SMYD4: variants seen among roughly 807,000 people sequenced by gnomAD.
SMYD4 encodes the protein protein-lysine N-methyltransferase SMYD4.
In SMYD4, 68 loss-of-function variants were observed where a neutral mutation model predicts 72.8. That is an observed-to-expected ratio of 0.93 (90% CI 0.77 to 1.14). SMYD4 has a LOEUF of 1.14. Among genes scored for constraint, SMYD4 ranks in the 50% most tolerant of loss-of-function variants. The pLI is 0.00. For synonymous variants in SMYD4, 407 were observed against 388.6 expected, an observed-to-expected ratio of 1.05 and a Z score of -0.56; for missense variants, 984 against 1,003.7, an observed-to-expected ratio of 0.98 and a Z score of 0.27.
rs3809875 is a variant in SMYD4, at chr17:1,800,249, G to A, written c.1145C>T (p.Pro382Leu). ...TGTCTTGACCTGATTGTTGCTTTCA[G>A]GTAAACAGATGTCCTTGTTACTAAT... Reference protein sequence around the residue: ...DKISNKDICLPESNNQVKTLN... With the variant: ...DKISNKDICLLESNNQVKTLN... Residue 382 changes from proline (P) to leucine (L), a missense_variant, in exon 5 of 11, where the codon CCT (proline) becomes CTT (leucine). Physicochemically the swap from Pro to Leu is moderately conservative, Grantham distance 98. Transcript: ENST00000305513. 1 of 1,613,838 alleles carries A rather than the reference G, an allele frequency of 6.2e-7. No individual in the cohort carries two copies. Among genetic ancestry groups the A allele is most frequent in the Non-Finnish European group, 8.5e-7 (1 of 1,180,002 alleles).
At chr17:1,803,603 G>C (rs767405569) in intron 4 of SMYD4, among the ~76,000 whole-genome samples, 5 of 151,996 alleles carry the variant, frequency 3.3e-5, no homozygotes, top group Non-Finnish European at 5.9e-5. Flanking sequence ...AGGTTCAAGA[G>C]ATTCTCCTGC....
At chr17:1,788,548 A>G (rs553649435) in intron 5 of SMYD4, among the ~76,000 whole-genome samples, 8 of 151,816 alleles carry the variant, frequency 5.3e-5, no homozygotes, top group East Asian at 3.9e-4. Flanking sequence ...GATCGAGACC[A>G]TCCTGACTAA....
In SMYD4 at chr17:1,795,430, T is replaced by C. The variant is rs866696585; in HGVS notation, c.1537+4427A>G. Among the ~76,000 whole-genome samples, 8 of 54,156 alleles carry C rather than the reference T, an allele frequency of 1.5e-4. No individual in the cohort carries two copies. In the South Asian group the frequency reaches 3.4e-3, roughly 23 times the overall value. 35.5% of individuals were successfully genotyped at this position (54,156 alleles called of 152,430 possible). A position where few individuals can be genotyped will look rare whatever the true frequency, so the allele number is the denominator to read the frequency against. On this transcript the variant is annotated intron_variant, in intron 5 of 10. Transcript: ENST00000305513. Reference sequence around the variant, plus strand: ...CTCTATCTATCTATCTATCTATCTATCTATCTATCTATCTAATCATCTATC... The same window carrying C: ...CTCTATCTATCTATCTATCTATCTACCTATCTATCTATCTAATCATCTATC...
rs746383166 is a variant in SMYD4, at chr17:1,800,358, C to T, written c.1036G>A (p.Val346Ile). The T allele has an allele frequency of 6.2e-7, 1 of 1,614,194 alleles. No homozygotes were observed. The highest frequency in any genetic ancestry group is 8.5e-7 in the Non-Finnish European group (1 of 1,180,028). The stretch of plus-strand genomic sequence containing the variant: ...AACCTCAGGGCAATGTGGCAAAAGA[C>T]ACCCAGTGTGAGAAGCAGCCCTCCC... Reference protein sequence around the residue: ...PLGGLLLTLGVFCHIALRLTL... With the variant: ...PLGGLLLTLGIFCHIALRLTL... The change falls in exon 5 of 11, where the codon GTC becomes ATC. Residue 346 changes from valine (V) to isoleucine (I), a missense_variant. Val to Ile is a conservative substitution (Grantham distance 29). Coordinates refer to ENST00000305513, the MANE Select transcript of SMYD4 (RefSeq NM_052928.3).
intron 3 of SMYD4, among the ~76,000 whole-genome samples, chr17:1,805,549 T>C (rs1567779360): frequency 6.6e-6 from 1 of 151,340 alleles, no homozygotes; most frequent in African/African-American, 2.4e-5. Flanking sequence ...TGGTGGCTCA[T>C]GCCTGTAATC....
chr17:1,793,830 T>G (rs1328471413), intron 5 of SMYD4, among the ~76,000 whole-genome samples: 4 of 135,006 alleles, frequency 3.0e-5, no homozygotes, highest in Admixed American at 2.2e-4. Flanking sequence ...CAGTGCAGTG[T>G]TTTTTTTTTG....
intron 5 of SMYD4, among the ~76,000 whole-genome samples, chr17:1,790,286 G>C (rs1325857971): frequency 6.6e-6 from 1 of 151,944 alleles, no homozygotes; most frequent in Non-Finnish European, 1.5e-5. Flanking sequence ...GAACCGTGTG[G>C]GTATTTATGT....
intron 2 of SMYD4, among the ~76,000 whole-genome samples, chr17:1,818,061 A>T (rs974709456): frequency 6.6e-6 from 1 of 151,794 alleles, no homozygotes; most frequent in African/African-American, 2.4e-5. Context: ...AAAAAAAAAA[A>T]AAAAGTTGTT....
At chr17:1,824,299 C>A (rs761601931) in intron 2 of SMYD4, among the ~76,000 whole-genome samples, 1 of 152,118 alleles carries the variant, frequency 6.6e-6, no homozygotes, top group Non-Finnish European at 1.5e-5. Context: ...GCTGAGATTG[C>A]GCCACTGCAC....
intron 5 of SMYD4, among the ~76,000 whole-genome samples, chr17:1,796,299 G>GGTT (rs71375546): frequency 1.8e-5 from 2 of 109,576 alleles, no homozygotes; most frequent in East Asian, 2.6e-4. Context: ...ATGCCTGGCT[G>GGTT]TTTTTTTTTT....
rs1263994025 is a variant in SMYD4 at position 1,812,002 on chromosome 17, TC to T, written c.247del (p.Asp83IlefsTer97). 1 of 1,614,036 alleles carries T rather than the reference TC, an allele frequency of 6.2e-7. No homozygotes were observed. Among genetic ancestry groups the T allele is most frequent in the Non-Finnish European group, 8.5e-7 (1 of 1,180,034 alleles). ...GTACAGCACTGCAGCTCCTGTGTAA[TC>T]TTTCTCCTGAAATTTTTTGTTTCCT... is the stretch of plus-strand genomic sequence containing the variant. ...EEGNKKFQEK[D>X]YTGAAVLYSK... On this transcript the variant is annotated frameshift_variant, in exon 3 of 11. Coordinates refer to ENST00000305513, the MANE Select transcript of SMYD4 (RefSeq NM_052928.3). LOFTEE classifies it high-confidence loss of function.
chr17:1,812,944 A>ATT (rs1555579762), intron 2 of SMYD4, among the ~76,000 whole-genome samples: 1 of 148,056 alleles, frequency 6.8e-6, no homozygotes, highest in African/African-American at 2.5e-5. Context: ...ATCATAAAAG[A>ATT]TTTTTTTTTT....
chr17:1,790,946 G>A (rs759888755), intron 5 of SMYD4, among the ~76,000 whole-genome samples: 79 of 151,026 alleles, frequency 5.2e-4, no homozygotes, highest in African/African-American at 1.2e-3. Flanking sequence ...CTAACACGGC[G>A]AAACCCCGTC....
In SMYD4 at chr17:1,828,308, G is replaced by A. The variant is rs578226944; in HGVS notation, c.-12-302C>T. Among the ~76,000 whole-genome samples the A allele has an allele frequency of 4.9e-3, 740 of 149,746 alleles. 3 individuals are homozygous for A. Among genetic ancestry groups the A allele is most frequent in the South Asian group, 0.037 (175 of 4,704 alleles). ...GGAGGTTGCAGTGAGCTGAGATCAC[G>A]CCATTGCACTCCAGCCTGGGTGACA... On this transcript the variant is annotated intron_variant, in intron 1 of 10. Coordinates refer to ENST00000305513, the MANE Select transcript of SMYD4 (RefSeq NM_052928.3).
At chr17:1,814,203 G>A (rs746235541) in intron 2 of SMYD4, among the ~76,000 whole-genome samples, 24 of 152,226 alleles carry the variant, frequency 1.6e-4, no homozygotes, top group Admixed American at 3.9e-4. Context: ...TACTCGGGAG[G>A]CTGAGGTGGG....
intron 2 of SMYD4, among the ~76,000 whole-genome samples, chr17:1,814,054 T>G (rs1910462824): frequency 6.6e-6 from 1 of 152,164 alleles, no homozygotes; most frequent in Admixed American, 6.6e-5. Context: ...CTCACGCCTG[T>G]AATTCCAGCA....
chr17:1,817,580 C>T (rs558917879), intron 2 of SMYD4, among the ~76,000 whole-genome samples: 299 of 152,204 alleles, frequency 2.0e-3, no homozygotes, highest in African/African-American at 6.9e-3. Flanking sequence ...GTGATCCTTC[C>T]GCCTTGGCCT....
chr17:1,806,243 G>A (rs1910030054), intron 3 of SMYD4, among the ~76,000 whole-genome samples: 1 of 152,156 alleles, frequency 6.6e-6, no homozygotes. Context: ...TGGAAGAACT[G>A]TAGAAAGCAT....
chr17:1,783,064 G>A lies in SMYD4; in HGVS notation c.2232C>T (p.Leu744=), dbSNP rs1386036847. 5 of 1,614,008 alleles carry A rather than the reference G, an allele frequency of 3.1e-6. No homozygotes were observed. Among genetic ancestry groups the A allele is most frequent in the Non-Finnish European group, 4.2e-6 (5 of 1,180,032 alleles). ...TGAAAAAGATCTGGGCCAATTTGAA[G>A]AGCTCATGGCCCATTTCAACACTGG... ...GPSSVEMGHE[L]FKLAQIFFNG... is the part of the protein sequence containing the mutation. The change falls in exon 10 of 11, where the codon CTC becomes CTT. Residue 744 remains leucine (L), a synonymous_variant. Coordinates refer to ENST00000305513, the MANE Select transcript of SMYD4 (RefSeq NM_052928.3).
Sources: allele counts gnomAD v4.1 joint callset (sites outside exome capture counted in the v4.1 genomes callset), GRCh38; gene constraint gnomAD v4.1.1; transcripts MANE v1.5; gene names NCBI Gene and HGNC (gene_info 2026-07-23, HGNC 2026-07-21).